GRID2: variants seen among roughly 807,000 people sequenced by gnomAD.
The protein encoded by GRID2 is glutamate ionotropic receptor delta type subunit 2.
Under a neutral mutation model 114.8 loss-of-function variants are expected in GRID2, and 33 were observed. The ratio of observed to expected loss-of-function variants is 0.29; its 90% CI spans 0.22 to 0.38. The LOEUF (loss-of-function observed/expected upper bound fraction) is 0.38. Ranked by LOEUF, GRID2 falls within the 10% of genes least tolerant of loss-of-function variation. GRID2 has a pLI of 1.00. For synonymous variants in GRID2, 505 were observed against 449.9 expected (o/e 1.12, Z -1.55); for missense variants, 1,184 against 1,257.7 (o/e 0.94, Z 0.89).
chr4:92,350,229 A>G (rs1281072470), intron 1 of GRID2, among the ~76,000 whole-genome samples: 1 of 151,830 alleles, frequency 6.6e-6, no homozygotes, highest in Non-Finnish European at 1.5e-5. Flanking sequence ...AAGTCTACTC[A>G]TAATCTGCTA....
chr4:93,366,297 C>T (rs559497461), intron 8 of GRID2, among the ~76,000 whole-genome samples: 5 of 152,130 alleles, frequency 3.3e-5, no homozygotes, highest in East Asian at 1.9e-4. Flanking sequence ...AAAGAGAATG[C>T]GCACCTGGGG....
chr4:92,655,590 C>G (rs1732184705), intron 2 of GRID2, among the ~76,000 whole-genome samples: 1 of 151,610 alleles, frequency 6.6e-6, no homozygotes, highest in Non-Finnish European at 1.5e-5. Flanking sequence ...AGATCTTTCA[C>G]TTCTTTGGTT....
chr4:93,536,137 G>T (rs1732045576), intron 13 of GRID2, among the ~76,000 whole-genome samples: 1 of 151,842 alleles, frequency 6.6e-6, no homozygotes, highest in Admixed American at 6.6e-5. Context: ...TACCCAGAGG[G>T]ATCTATAGAT....
chr4:93,783,964 TG>T (rs1427967406), intron 1 of GRID2, among the ~76,000 whole-genome samples: 10 of 146,038 alleles, frequency 6.8e-5, no homozygotes, highest in Non-Finnish European at 1.1e-4. Flanking sequence ...CCCAGCTACT[TG>T]GGAGGCTGAG....
At chr4:93,110,509 G>A (rs1296984233) in intron 3 of GRID2, among the ~76,000 whole-genome samples, 1 of 152,034 alleles carries the variant, frequency 6.6e-6, no homozygotes, top group Non-Finnish European at 1.5e-5. Flanking sequence ...CATCATTTAG[G>A]TTCCATGTAG....
At chr4:92,316,145 A>G (rs922250899) in intron 1 of GRID2, among the ~76,000 whole-genome samples, 2 of 152,136 alleles carry the variant, frequency 1.3e-5, no homozygotes, top group African/African-American at 2.4e-5. Context: ...GTTTAGTGGC[A>G]GTTGCTGTCT....
At chr4:93,527,252 A>G (rs1360039405) in intron 13 of GRID2, among the ~76,000 whole-genome samples, 1 of 152,212 alleles carries the variant, frequency 6.6e-6, no homozygotes, top group Non-Finnish European at 1.5e-5. Flanking sequence ...TTCTGATTAT[A>G]AATTCCTCCT....
intron 2 of GRID2, among the ~76,000 whole-genome samples, chr4:92,790,506 C>T (rs1739531824): frequency 6.6e-6 from 1 of 151,724 alleles, no homozygotes; most frequent in Non-Finnish European, 1.5e-5. Context: ...GGCTGAATTT[C>T]CTGGGTTCAA....
At chr4:93,553,591 A>C (rs2149548246) in intron 13 of GRID2, among the ~76,000 whole-genome samples, 1 of 152,318 alleles carries the variant, frequency 6.6e-6, no homozygotes, top group Non-Finnish European at 1.5e-5. Flanking sequence ...GACTGCTACA[A>C]ATACCTGCAG....
chr4:92,913,332 T>G (rs1193908076), intron 2 of GRID2, among the ~76,000 whole-genome samples: 1 of 151,864 alleles, frequency 6.6e-6, no homozygotes, highest in Non-Finnish European at 1.5e-5. Flanking sequence ...ATACGACAAT[T>G]AGAAAACTTG....
intron 2 of GRID2, among the ~76,000 whole-genome samples, chr4:93,083,715 A>AG (rs1236377226): frequency 6.6e-6 from 1 of 151,814 alleles, no homozygotes; most frequent in Non-Finnish European, 1.5e-5. Context: ...AAAAAAAAAA[A>AG]AAATACATCC....
At chr4:93,179,668 A>G (rs1739698572) in intron 4 of GRID2, among the ~76,000 whole-genome samples, 1 of 152,222 alleles carries the variant, frequency 6.6e-6, no homozygotes, top group Non-Finnish European at 1.5e-5. Flanking sequence ...ACAATTCAAT[A>G]TGGTAAGAAC....
chr4:92,955,726 C>T (rs1752356757), intron 2 of GRID2, among the ~76,000 whole-genome samples: 1 of 152,108 alleles, frequency 6.6e-6, no homozygotes, highest in Non-Finnish European at 1.5e-5. Context: ...CCTAGGTTTT[C>T]TTCTAGGGTT....
At chr4:93,433,156 T>C (rs1390424034) in intron 10 of GRID2, among the ~76,000 whole-genome samples, 1 of 152,234 alleles carries the variant, frequency 6.6e-6, no homozygotes, top group Non-Finnish European at 1.5e-5. Flanking sequence ...TCACACTTTC[T>C]GCTCAATTTT....
intron 8 of GRID2, among the ~76,000 whole-genome samples, chr4:93,297,119 A>G (rs1754387140): frequency 6.6e-6 from 1 of 152,178 alleles, no homozygotes; most frequent in Non-Finnish European, 1.5e-5. Flanking sequence ...ATGATAGAAA[A>G]AAGTCTTACT....
intron 1 of GRID2, among the ~76,000 whole-genome samples, chr4:92,438,578 CTGTG>C (rs34304139): frequency 0.17 from 24,359 of 146,904 alleles, 1,969 homozygotes; most frequent in South Asian, 0.21. Context: ...AGTTTACCTT[CTGTG>C]TGTGTGTGTG....
chr4:93,519,581 A>G (rs1056541895), intron 13 of GRID2, among the ~76,000 whole-genome samples: 1 of 152,180 alleles, frequency 6.6e-6, no homozygotes, highest in Non-Finnish European at 1.5e-5. Flanking sequence ...GTCCCTGATT[A>G]TTATGAGGGC....
At position 92,932,842 on chromosome 4, in the gene GRID2, A is replaced by G. The variant is rs191604942; in HGVS notation, c.245-152153A>G. ...ATATCATATATATGGTATATTCTGT[A>G]TGTATGTGATCTGATTTATACGGAA... On this transcript the variant is annotated intron_variant, in intron 2 of 15. Coordinates refer to ENST00000282020, the MANE Select transcript of GRID2 (RefSeq NM_001510.4). Among the ~76,000 whole-genome samples the G allele has an allele frequency of 7.9e-5, 12 of 151,456 alleles. No individual in the cohort carries two copies. The South Asian group carries it at 1.9e-3, about 24-fold the overall frequency.
intron 14 of GRID2, among the ~76,000 whole-genome samples, chr4:93,683,786 C>G (rs1176682675): frequency 6.6e-6 from 1 of 151,846 alleles, no homozygotes; most frequent in African/African-American, 2.4e-5. Context: ...TCCACAATCT[C>G]TCTGTGTTTC....
Sources: allele counts gnomAD v4.1 joint callset (sites outside exome capture counted in the v4.1 genomes callset), GRCh38; gene constraint gnomAD v4.1.1; transcripts MANE v1.5; gene names NCBI Gene and HGNC (gene_info 2026-07-23, HGNC 2026-07-21).